The following CDH1 variants were observed in gnomAD, a reference collection of about 807,000 sequenced individuals.
CDH1 encodes cadherin-1.
In CDH1, 35 loss-of-function variants were observed where a neutral mutation model predicts 84.5. That is an observed-to-expected ratio of 0.41 (90% CI 0.32 to 0.55). CDH1 has a LOEUF of 0.55. CDH1 is among the 20% of genes least tolerant of loss of function. The pLI is 0.19. For missense variants in CDH1, 994 were observed against 1,126.6 expected (o/e 0.88, Z 1.68); for synonymous variants, 417 against 439.0 (o/e 0.95, Z 0.63).
At chr16:68,742,949 G>A (rs1962605983) in intron 2 of CDH1, among the ~76,000 whole-genome samples, 2 of 152,144 alleles carry the variant, frequency 1.3e-5, no homozygotes, top group Non-Finnish European at 2.9e-5. Flanking sequence ...CCAGTGGGCC[G>A]CCCTCCTGGC....
At position 68,833,703 on chromosome 16, in the gene CDH1, T is replaced by G. The variant is rs1961558013; in HGVS notation, c.*204T>G. ...GTTAGAAAAGTTTCGACTTATTTCT[T>G]AAAGCTTTTTTTTTTTTCCCATCAC... On this transcript the variant is annotated 3_prime_UTR_variant, in exon 16 of 16. Coordinates refer to ENST00000261769, the MANE Select transcript of CDH1 (RefSeq NM_004360.5). The G allele has an allele frequency of 3.4e-6, 2 of 580,776 alleles. No individual in the cohort carries two copies. Among genetic ancestry groups the G allele is most frequent in the African/African-American group, 1.9e-5 (1 of 52,094 alleles). 36.0% of individuals were successfully genotyped at this position (580,776 alleles called of 1,614,324 possible).
chr16:68,813,489 A>G lies in CDH1; in HGVS notation c.1314A>G (p.Thr438=), dbSNP rs547316616. ...TGAACAACGATGGCATTTTGAAAAC[A>G]GCAAAGGTTTGTATGGTACCTGGCA... The part of the protein sequence containing the change: ...NPVNNDGILK[T]AKGLDFEAKQ... The change falls in exon 9 of 16, where the codon ACA becomes ACG. Residue 438 remains threonine (T), a synonymous_variant. Transcript: ENST00000261769. 1.9e-5 allele frequency: 31 copies of G among 1,614,184 alleles called. No homozygotes were observed. In the South Asian group the frequency reaches 3.0e-4, roughly 15 times the overall value.
chr16:68,829,324 G>C (rs1961414178), intron 14 of CDH1, among the ~76,000 whole-genome samples: 1 of 152,168 alleles, frequency 6.6e-6, no homozygotes, highest in East Asian at 1.9e-4. Flanking sequence ...CAGATCGATG[G>C]ATGTATACTT....
Position 68,757,249 on chromosome 16 carries a change from C to T in CDH1, c.163+18838C>T, listed in dbSNP as rs146119715. ...GATTATAGGCCAGCGCCACCATGCC[C>T]GGCTAATTTTTGTATTTTTAGTAGA... is the stretch of plus-strand genomic sequence containing the variant. On this transcript the variant is annotated intron_variant, in intron 2 of 15. Transcript: ENST00000261769. Among the ~76,000 whole-genome samples the T allele has an allele frequency of 5.0e-3, 767 of 152,056 alleles. 6 individuals carry two copies. Among genetic ancestry groups the T allele is most frequent in the African/African-American group, 0.018 (735 of 41,498 alleles).
At position 68,744,513 on chromosome 16, in the gene CDH1, T is replaced by G. The variant is rs1597843756; in HGVS notation, c.163+6102T>G. Among the ~76,000 whole-genome samples, 3 of 152,172 alleles carry G rather than the reference T, an allele frequency of 2.0e-5. No individual in the cohort carries two copies. The South Asian group carries it at 6.2e-4, about 32-fold the overall frequency. On this transcript the variant is annotated intron_variant, in intron 2 of 15. Transcript: ENST00000261769. ...GGGATCTCAGTGTCCCAGCTTGTTC[T>G]TGTTACTCTTGGGGGACTGGGGTTT...
chr16:68,810,403 G>C (rs1027461634), intron 6 of CDH1, 62 bp downstream of exon 6: 3 of 1,523,980 alleles, frequency 2.0e-6, no homozygotes, highest in Non-Finnish European at 1.8e-6. Flanking sequence ...GGACCCCAAA[G>C]TGTTGTCCAA....
intron 2 of CDH1, among the ~76,000 whole-genome samples, chr16:68,754,303 TG>T (rs1962966867): frequency 6.6e-6 from 1 of 151,890 alleles, no homozygotes; most frequent in African/African-American, 2.4e-5. Flanking sequence ...CCCAGCTACC[TG>T]GGAGGCTAAG....
intron 3 of CDH1, among the ~76,000 whole-genome samples, chr16:68,802,365 T>C (rs577665232): frequency 7.9e-5 from 12 of 152,338 alleles, no homozygotes; most frequent in African/African-American, 2.6e-4. Flanking sequence ...ATGGAATTAA[T>C]TAATACATGT....
intron 2 of CDH1, among the ~76,000 whole-genome samples, chr16:68,771,660 G>A (rs1959578119): frequency 6.6e-6 from 1 of 151,812 alleles, no homozygotes; most frequent in South Asian, 2.1e-4. Context: ...GCTGAGACAG[G>A]AGAATCGCTT....
chr16:68,797,251 G>A (rs1224776463), intron 2 of CDH1, among the ~76,000 whole-genome samples: 6 of 152,166 alleles, frequency 3.9e-5, no homozygotes, highest in Admixed American at 3.9e-4. Context: ...TTGCTGCGGT[G>A]GAGTACACCT....
intron 3 of CDH1, among the ~76,000 whole-genome samples, chr16:68,806,521 C>G (rs565943210): frequency 6.6e-6 from 1 of 152,124 alleles, no homozygotes; most frequent in South Asian, 2.1e-4. Context: ...AAAACCATAA[C>G]TCAGTGTTTT....
chr16:68,751,042 C>T (rs896974768), intron 2 of CDH1, among the ~76,000 whole-genome samples: 2 of 152,158 alleles, frequency 1.3e-5, no homozygotes, highest in Non-Finnish European at 2.9e-5. Flanking sequence ...TCTTCACCTT[C>T]ATTGTCGCAG....
intron 2 of CDH1, among the ~76,000 whole-genome samples, chr16:68,761,669 G>C (rs997316925): frequency 5.9e-5 from 9 of 152,174 alleles, no homozygotes; most frequent in African/African-American, 2.2e-4. Context: ...GTACTAGGGT[G>C]ATCTGAGAAG....
At chr16:68,738,600 C>G (rs1399106028) in intron 2 of CDH1, among the ~76,000 whole-genome samples, 189 bp downstream of exon 2, 2 of 152,180 alleles carry the variant, frequency 1.3e-5, no homozygotes, top group African/African-American at 4.8e-5. Context: ...GAGGGGGTAA[C>G]CCTGCCTGGT....
Position 68,825,853 on chromosome 16 carries a change from C to T in CDH1, c.2164+2227C>T, listed in dbSNP as rs188152773. On this transcript the variant is annotated intron_variant, in intron 13 of 15. Coordinates refer to ENST00000261769, the MANE Select transcript of CDH1 (RefSeq NM_004360.5). ...TAGGCAAGTTCTCATTCTGTGGGCCCGGCTGGAGTGCAGTGGAGTGATCTC... is the reference window on the plus strand; with the variant it reads ...TAGGCAAGTTCTCATTCTGTGGGCCTGGCTGGAGTGCAGTGGAGTGATCTC... Among the ~76,000 whole-genome samples, 43 of 145,542 alleles carry T rather than the reference C, an allele frequency of 3.0e-4. No individual in the cohort carries two copies. The East Asian group carries it at 4.6e-3, about 15-fold the overall frequency.
At chr16:68,756,209 G>A (rs376364196) in intron 2 of CDH1, among the ~76,000 whole-genome samples, 1 of 150,464 alleles carries the variant, frequency 6.6e-6, no homozygotes. Flanking sequence ...CCTTCAGTAC[G>A]AGGCTTCCTC....
chr16:68,752,933 G>A (rs1311455259), intron 2 of CDH1, among the ~76,000 whole-genome samples: 1 of 152,118 alleles, frequency 6.6e-6, no homozygotes, highest in Non-Finnish European at 1.5e-5. Flanking sequence ...TGCCCCCTGG[G>A]TATCTCAGCA....
chr16:68,798,521 G>C (rs533883962), intron 2 of CDH1, among the ~76,000 whole-genome samples: 1 of 152,300 alleles, frequency 6.6e-6, no homozygotes, highest in Non-Finnish European at 1.5e-5. Context: ...TCGTCATACT[G>C]TCACTTCTCA....
At chr16:68,828,114 G>T (rs1040161365) in intron 13 of CDH1, 60 bp from the exon 14 acceptor site, 13 of 1,603,362 alleles carry the variant, frequency 8.1e-6, no homozygotes, top group Non-Finnish European at 1.0e-5. Context: ...GATAGCTGCT[G>T]CTTCTGGCCT....
Sources: allele counts gnomAD v4.1 joint callset (sites outside exome capture counted in the v4.1 genomes callset), GRCh38; gene constraint gnomAD v4.1.1; transcripts MANE v1.5; gene names NCBI Gene and HGNC (gene_info 2026-07-23, HGNC 2026-07-21).